Variants in BCL2L2 observed in about 807,000 individuals in gnomAD.
The protein encoded by BCL2L2 is BCL2 like 2, also known as bcl-2-like protein 2.
Under a neutral mutation model 14.6 loss-of-function variants are expected in BCL2L2, and 6 were observed. The observed-to-expected ratio is 0.41, with a 90% CI of 0.22 to 0.81. BCL2L2 has a LOEUF of 0.81. Among genes scored for constraint, BCL2L2 ranks in the 30% least tolerant of loss-of-function variants. The pLI is 0.32. For synonymous variants in BCL2L2, 90 were observed against 108.5 expected (o/e 0.83, Z 1.06); for missense variants, 191 against 260.5 (o/e 0.73, Z 1.84).
In BCL2L2 at chr14:23,307,882, G is replaced by A; in HGVS notation, c.115G>A (p.Ala39Thr). 1 of 1,612,804 alleles carries A rather than the reference G, an allele frequency of 6.2e-7. No homozygotes were observed. The highest frequency in any genetic ancestry group is 8.5e-7 in the Non-Finnish European group (1 of 1,179,520). ...AGCTGGCCCCGGGGAGGGCCCAGCA[G>A]CTGACCCGCTGCACCAAGCCATGCG... ...CGAGPGEGPA[A>T]DPLHQAMRAA... Residue 39 changes from alanine to threonine, a missense_variant, in exon 3 of 4, where the codon GCT (alanine) becomes ACT (threonine). Ala to Thr is a moderately conservative substitution (Grantham distance 58). Transcript: ENST00000250405.
chr14:23,309,013 A>G lies in BCL2L2; in HGVS notation c.*48A>G. ...AGGTGTGGCTGGGGGCCAGGAGAGC[A>G]GGAACAGAACAGAGAAATGCCCTTG... On this transcript the variant is annotated 3_prime_UTR_variant, in exon 4 of 4. Transcript: ENST00000250405. The G allele has an allele frequency of 7.6e-7, 1 of 1,319,634 alleles. No homozygotes were observed. The highest frequency in any genetic ancestry group is 9.7e-7 in the Non-Finnish European group (1 of 1,026,138). The allele number at this position is 1,319,634 out of a possible 1,614,324, so 81.7% of individuals were successfully genotyped here. A position where few individuals can be genotyped will look rare whatever the true frequency, so the allele number is the denominator to read the frequency against.
chr14:23,309,694 A>G lies in BCL2L2; in HGVS notation c.*729A>G. 1 of 985,648 alleles carries G rather than the reference A, an allele frequency of 1.0e-6. No individual in the cohort carries two copies. The allele number at this position is 985,648 out of a possible 1,614,324, so 61.1% of individuals were successfully genotyped here. A position where few individuals can be genotyped will look rare whatever the true frequency, so the allele number is the denominator to read the frequency against. On this transcript the variant is annotated 3_prime_UTR_variant, in exon 4 of 4. Transcript: ENST00000250405. ...GCTTTGGAGAGAAGAGCAGTTCTGC[A>G]GCTGGCCTTGTTCCTTCATCATCCC...
chr14:23,310,083 T>TTG lies in BCL2L2; in HGVS notation c.*1121_*1122dup. ...TACTCCAGGACTGGCCTATGCTGTGTTGTGGGCTTTGGTTCGGCTTTATCA... is the reference window on the plus strand; with the variant it reads ...TACTCCAGGACTGGCCTATGCTGTGTTGTGTGGGCTTTGGTTCGGCTTTATCA... On this transcript the variant is annotated 3_prime_UTR_variant, in exon 4 of 4. Coordinates refer to ENST00000250405, the MANE Select transcript of BCL2L2 (RefSeq NM_004050.5). 1 of 985,516 alleles carries TTG rather than the reference T, an allele frequency of 1.0e-6. No homozygotes were observed. Among genetic ancestry groups the TTG allele is most frequent in the Non-Finnish European group, 1.2e-6 (1 of 830,028 alleles). The allele number at this position is 985,516 out of a possible 1,614,324, so 61.0% of individuals were successfully genotyped here. A position where few individuals can be genotyped will look rare whatever the true frequency, so the allele number is the denominator to read the frequency against.
rs1478532759 is a variant in BCL2L2, at chr14:23,310,895, G to T, written c.*1930G>T. ...GGTAAGATTTTATTTGCATTAAGGGGTTTGCTGCTGAAAAAAAGTTGGAAA... is the reference window on the plus strand; with the variant it reads ...GGTAAGATTTTATTTGCATTAAGGGTTTTGCTGCTGAAAAAAAGTTGGAAA... On this transcript the variant is annotated 3_prime_UTR_variant, in exon 4 of 4. Transcript: ENST00000250405. 3 of 1,287,050 alleles carry T rather than the reference G, an allele frequency of 2.3e-6. No homozygotes were observed. The highest frequency in any genetic ancestry group is 3.0e-6 in the Non-Finnish European group (3 of 986,708). 79.7% of individuals were successfully genotyped at this position (1,287,050 alleles called of 1,614,324 possible). A position where few individuals can be genotyped will look rare whatever the true frequency, so the allele number is the denominator to read the frequency against.
In BCL2L2 at chr14:23,311,036, G is replaced by A. The variant is rs1166956694; in HGVS notation, c.*2071G>A. 2 of 1,289,354 alleles carry A rather than the reference G, an allele frequency of 1.6e-6. No homozygotes were observed. Among genetic ancestry groups the A allele is most frequent in the Admixed American group, 2.3e-5 (1 of 43,528 alleles). The allele number at this position is 1,289,354 out of a possible 1,614,324, so 79.9% of individuals were successfully genotyped here. On this transcript the variant is annotated 3_prime_UTR_variant, in exon 4 of 4. Transcript: ENST00000250405. The stretch of plus-strand genomic sequence containing the variant: ...ACACATATCCCTGTTAGCATTCCCC[G>A]GGACCTTTAGCCAAGAGGAGCTGCA...
chr14:23,309,093 G>C lies in BCL2L2; in HGVS notation c.*128G>C. On this transcript the variant is annotated 3_prime_UTR_variant, in exon 4 of 4. Coordinates refer to ENST00000250405, the MANE Select transcript of BCL2L2 (RefSeq NM_004050.5). ...ATGGAACAGGATGGGCAGAGAAAGG[G>C]TAGTGTGTGAGGGAGCTGAGTAGGC... The C allele has an allele frequency of 8.0e-7, 1 of 1,256,418 alleles. No homozygotes were observed. The highest frequency in any genetic ancestry group is 1.0e-6 in the Non-Finnish European group (1 of 993,674). The allele number at this position is 1,256,418 out of a possible 1,614,324, so 77.8% of individuals were successfully genotyped here. A position where few individuals can be genotyped will look rare whatever the true frequency, so the allele number is the denominator to read the frequency against.
Position 23,308,489 on chromosome 14 carries a change from C to T in BCL2L2, c.432+290C>T, listed in dbSNP as rs1290705352. ...GGGACTTTTTACATCTGAGTCATGG[C>T]GTGGGAGGTGGGGAGGACCAGGGAT... On this transcript the variant is annotated intron_variant, in intron 3 of 3. Coordinates refer to ENST00000250405, the MANE Select transcript of BCL2L2 (RefSeq NM_004050.5). This position sits in a 1 kb window ranked among gnomAD's most constrained non-coding sequence, Gnocchi z 5.4. Among the ~76,000 whole-genome samples the T allele has an allele frequency of 6.6e-6, 1 of 151,948 alleles. No individual in the cohort carries two copies. Among genetic ancestry groups the T allele is most frequent in the Non-Finnish European group, 1.5e-5 (1 of 67,964 alleles).
chr14:23,309,352 C>A lies in BCL2L2; in HGVS notation c.*387C>A. ...TGGGATTTAGGGAACGCAGAAGGCA[C>A]ATCCCTTTGGAATGGAAGCTTAGGG... On this transcript the variant is annotated 3_prime_UTR_variant, in exon 4 of 4. Coordinates refer to ENST00000250405, the MANE Select transcript of BCL2L2 (RefSeq NM_004050.5). The A allele has an allele frequency of 9.8e-7, 1 of 1,017,230 alleles. No individual in the cohort carries two copies. The highest frequency in any genetic ancestry group is 1.2e-6 in the Non-Finnish European group (1 of 851,140). The allele number at this position is 1,017,230 out of a possible 1,614,324, so 63.0% of individuals were successfully genotyped here.
rs550318232 is a variant in BCL2L2 at position 23,309,708 on chromosome 14, CT to C, written c.*745del. ...AGCAGTTCTGCAGCTGGCCTTGTTCCTTCATCATCCCCCTTCCTTGTGCATT... is the reference window on the plus strand; with the variant it reads ...AGCAGTTCTGCAGCTGGCCTTGTTCCTCATCATCCCCCTTCCTTGTGCATT... On this transcript the variant is annotated 3_prime_UTR_variant, in exon 4 of 4. Coordinates refer to ENST00000250405, the MANE Select transcript of BCL2L2 (RefSeq NM_004050.5). 1.0e-3 allele frequency: 1,000 copies of C among 985,658 alleles called. 1 individual carries two copies. Among genetic ancestry groups the C allele is most frequent in the Non-Finnish European group, 1.1e-3 (875 of 830,072 alleles). 61.1% of individuals were successfully genotyped at this position (985,658 alleles called of 1,614,324 possible). A position where few individuals can be genotyped will look rare whatever the true frequency, so the allele number is the denominator to read the frequency against.
chr14:23,307,744 TC>T lies in BCL2L2; in HGVS notation c.-8-14del, dbSNP rs35658827. On this transcript the variant is annotated splice_polypyrimidine_tract_variant and intron_variant, in intron 2 of 3. Coordinates refer to ENST00000250405, the MANE Select transcript of BCL2L2 (RefSeq NM_004050.5). ...TTCATATATTCATGCCAGTCTTTCATCCTTGCCTCTTATAGCCGCCCGGATG... is the reference window on the plus strand; with the variant it reads ...TTCATATATTCATGCCAGTCTTTCATCTTGCCTCTTATAGCCGCCCGGATG... 2.0e-6 allele frequency: 3 copies of T among 1,518,048 alleles called. No homozygotes were observed. The highest frequency in any genetic ancestry group is 2.6e-6 in the Non-Finnish European group (3 of 1,134,546). 94.0% of individuals were successfully genotyped at this position (1,518,048 alleles called of 1,614,324 possible).
At position 23,307,981 on chromosome 14, in the gene BCL2L2, C is replaced by G; in HGVS notation, c.214C>G (p.Pro72Ala). The change falls in exon 3 of 4, where the codon CCA becomes GCA. Residue 72 changes from proline to alanine, a missense_variant. Transcript: ENST00000250405. ...TCTGGCGGCTCAGCTGCATGTGACCCCAGGCTCAGCCCAACAACGCTTCAC... is the reference window on the plus strand; with the variant it reads ...TCTGGCGGCTCAGCTGCATGTGACCGCAGGCTCAGCCCAACAACGCTTCAC... Reference protein sequence around the residue: ...SDLAAQLHVTPGSAQQRFTQV... With the variant: ...SDLAAQLHVTAGSAQQRFTQV... 6.2e-7 allele frequency: 1 copy of G among 1,614,162 alleles called. No individual in the cohort carries two copies.
At position 23,309,312 on chromosome 14, in the gene BCL2L2, A is replaced by G; in HGVS notation, c.*347A>G. ...AAGGTGGACTTACATAAGCAGCTGT[A>G]TTCCATTAGATGAGTGGGATTTAGG... On this transcript the variant is annotated 3_prime_UTR_variant, in exon 4 of 4. Transcript: ENST00000250405. The G allele has an allele frequency of 1.9e-6, 2 of 1,075,670 alleles. No individual in the cohort carries two copies. Among genetic ancestry groups the G allele is most frequent in the Non-Finnish European group, 2.3e-6 (2 of 888,308 alleles). The allele number at this position is 1,075,670 out of a possible 1,614,324, so 66.6% of individuals were successfully genotyped here. A position where few individuals can be genotyped will look rare whatever the true frequency, so the allele number is the denominator to read the frequency against.
chr14:23,311,713 A>G lies in BCL2L2; in HGVS notation c.*2748A>G, dbSNP rs945312240. 10 of 949,644 alleles carry G rather than the reference A, an allele frequency of 1.1e-5. No individual in the cohort carries two copies. Among genetic ancestry groups the G allele is most frequent in the Non-Finnish European group, 1.3e-5 (10 of 797,568 alleles). The allele number at this position is 949,644 out of a possible 1,614,324, so 58.8% of individuals were successfully genotyped here. A position where few individuals can be genotyped will look rare whatever the true frequency, so the allele number is the denominator to read the frequency against. On this transcript the variant is annotated 3_prime_UTR_variant, in exon 4 of 4. Transcript: ENST00000250405. Reference sequence around the variant, plus strand: ...TTTTTGTGTAATATGTAATGATCGTATTAAAAACAATAAATAAAGCCCAGA... The same window carrying G: ...TTTTTGTGTAATATGTAATGATCGTGTTAAAAACAATAAATAAAGCCCAGA...
chr14:23,307,794 C>T lies in BCL2L2; in HGVS notation c.27C>T (p.Asp9=). ...TGGCGACCCCAGCCTCGGCCCCAGACACACGGGCTCTGGTGGCAGACTTTG... is the reference window on the plus strand; with the variant it reads ...TGGCGACCCCAGCCTCGGCCCCAGATACACGGGCTCTGGTGGCAGACTTTG... MATPASAP[D]TRALVADFVG... The change falls in exon 3 of 4, where the codon GAC becomes GAT. Residue 9 remains aspartate, a synonymous_variant. Coordinates refer to ENST00000250405, the MANE Select transcript of BCL2L2 (RefSeq NM_004050.5). The T allele has an allele frequency of 6.5e-7, 1 of 1,537,718 alleles. No individual in the cohort carries two copies. The highest frequency in any genetic ancestry group is 2.3e-5 in the East Asian group (1 of 44,200).
rs1233406528 is a variant in BCL2L2 at position 23,309,048 on chromosome 14, G to T, written c.*83G>T. The T allele has an allele frequency of 1.5e-6, 2 of 1,299,052 alleles. No individual in the cohort carries two copies. Among genetic ancestry groups the T allele is most frequent in the Non-Finnish European group, 2.0e-6 (2 of 1,015,972 alleles). 80.5% of individuals were successfully genotyped at this position (1,299,052 alleles called of 1,614,324 possible). On this transcript the variant is annotated 3_prime_UTR_variant, in exon 4 of 4. Transcript: ENST00000250405. The stretch of plus-strand genomic sequence containing the variant: ...CAGAGAAATGCCCTTGGAAGAAGTG[G>T]AGTTGGTGGATGGGTGGGCATGGAA...
Position 23,307,947 on chromosome 14 carries a change from C to T in BCL2L2, c.180C>T (p.Thr60=), listed in dbSNP as rs888194064. Residue 60 remains threonine (T), a synonymous_variant, in exon 3 of 4, where the codon ACC becomes ACT. Coordinates refer to ENST00000250405, the MANE Select transcript of BCL2L2 (RefSeq NM_004050.5). The part of the protein sequence containing the change: ...GDEFETRFRR[T]FSDLAAQLHV... ...AGTTCGAGACCCGCTTCCGGCGCAC[C>T]TTCTCTGATCTGGCGGCTCAGCTGC... 1.2e-6 allele frequency: 2 copies of T among 1,614,036 alleles called. No homozygotes were observed. The highest frequency in any genetic ancestry group is 2.2e-5 in the East Asian group (1 of 44,882).
Position 23,308,055 on chromosome 14 carries a change from T to C in BCL2L2, c.288T>C (p.Leu96=), listed in dbSNP as rs773034891. 6.2e-7 allele frequency: 1 copy of C among 1,614,106 alleles called. No individual in the cohort carries two copies. Among genetic ancestry groups the C allele is most frequent in the Non-Finnish European group, 8.5e-7 (1 of 1,180,028 alleles). ...LFQGGPNWGR[L]VAFFVFGAAL... is the part of the protein sequence containing the mutation. ...AAGGGGGCCCCAACTGGGGCCGCCT[T>C]GTAGCCTTCTTTGTCTTTGGGGCTG... Residue 96 remains leucine (L), a synonymous_variant, in exon 3 of 4, where the codon CTT becomes CTC. Transcript: ENST00000250405. The surrounding 1 kb of genome is among the most constrained non-coding windows in gnomAD (Gnocchi z 5.4).
Position 23,308,058 on chromosome 14 carries a change from A to G in BCL2L2, c.291A>G (p.Val97=). 1.2e-6 allele frequency: 2 copies of G among 1,614,030 alleles called. No homozygotes were observed. The change falls in exon 3 of 4, where the codon GTA becomes GTG. Residue 97 remains valine (V), a synonymous_variant. Coordinates refer to ENST00000250405, the MANE Select transcript of BCL2L2 (RefSeq NM_004050.5). This position sits in a 1 kb window ranked among gnomAD's most constrained non-coding sequence, Gnocchi z 5.4. Reference sequence around the variant, plus strand: ...GGGGCCCCAACTGGGGCCGCCTTGTAGCCTTCTTTGTCTTTGGGGCTGCAC... The same window carrying G: ...GGGGCCCCAACTGGGGCCGCCTTGTGGCCTTCTTTGTCTTTGGGGCTGCAC... ...FQGGPNWGRL[V]AFFVFGAALC...
chr14:23,308,707 T>A lies in BCL2L2; in HGVS notation c.433-109T>A, dbSNP rs1454113976. The A allele has an allele frequency of 2.2e-6, 2 of 923,426 alleles. No individual in the cohort carries two copies. Among genetic ancestry groups the A allele is most frequent in the Non-Finnish European group, 3.0e-6 (2 of 670,144 alleles). 57.2% of individuals were successfully genotyped at this position (923,426 alleles called of 1,614,324 possible). A position where few individuals can be genotyped will look rare whatever the true frequency, so the allele number is the denominator to read the frequency against. ...CAGAGAGGAGCTGGGTATGGGGTAGTGCTCGCAGTGGATGGAACTGGAACT... is the reference window on the plus strand; with the variant it reads ...CAGAGAGGAGCTGGGTATGGGGTAGAGCTCGCAGTGGATGGAACTGGAACT... On this transcript the variant is annotated intron_variant, in intron 3 of 3. Coordinates refer to ENST00000250405, the MANE Select transcript of BCL2L2 (RefSeq NM_004050.5). The surrounding 1 kb of genome is among the most constrained non-coding windows in gnomAD (Gnocchi z 5.4).
Sources: gnomAD v4.1 joint callset for allele counts (sites outside exome capture counted in the v4.1 genomes callset) on GRCh38, gnomAD v4.1.1 for gene constraint, Gnocchi (gnomAD v3.1) non-coding constraint, MANE v1.5 for transcripts, NCBI Gene and HGNC (gene_info 2026-07-23, HGNC 2026-07-21) for gene names.